Variants in TGFBR3 observed in about 807,000 individuals in gnomAD.
The protein encoded by TGFBR3 is transforming growth factor beta receptor 3.
A neutral mutation model predicts 87.9 loss-of-function variants in TGFBR3; 46 were observed. That is an observed-to-expected ratio of 0.52 (90% CI 0.41 to 0.67). TGFBR3 has a LOEUF of 0.67. Ranked by LOEUF, TGFBR3 falls within the 30% of genes least tolerant of loss-of-function variation. The pLI is 0.00. For synonymous variants in TGFBR3, 381 were observed against 391.6 expected (o/e 0.97, Z 0.32); for missense variants, 866 against 1,041.9 (o/e 0.83, Z 2.32).
intron 1 of TGFBR3, among the ~76,000 whole-genome samples, chr1:91,870,040 C>T (rs926601653): frequency 1.3e-5 from 2 of 152,130 alleles, no homozygotes; most frequent in African/African-American, 4.8e-5. Context: ...TTCAACTTGG[C>T]AACATAAGAA....
intron 3 of TGFBR3, among the ~76,000 whole-genome samples, chr1:91,771,875 T>G (rs1448147172): frequency 6.6e-6 from 1 of 151,820 alleles, no homozygotes; most frequent in Non-Finnish European, 1.5e-5. Flanking sequence ...CACAGTTTGA[T>G]GGGGGCAGAG....
chr1:91,767,315 T>A lies in TGFBR3; in HGVS notation c.247-8565A>T, dbSNP rs75899677. Among the ~76,000 whole-genome samples the A allele has an allele frequency of 2.2e-5, 3 of 133,838 alleles. 1 individual carries two copies. Among genetic ancestry groups the A allele is most frequent in the African/African-American group, 8.4e-5 (3 of 35,534 alleles). The allele number at this position is 133,838 out of a possible 152,430, so 87.8% of individuals were successfully genotyped here. On this transcript the variant is annotated intron_variant, in intron 3 of 16. Coordinates refer to ENST00000212355, the MANE Select transcript of TGFBR3 (RefSeq NM_003243.5). ...TACAATCTTAGAAAGTATATTAACCTGAAGCTGGTAAGGAATTCTTTAGGA... is the reference window on the plus strand; with the variant it reads ...TACAATCTTAGAAAGTATATTAACCAGAAGCTGGTAAGGAATTCTTTAGGA...
chr1:91,754,414 C>T (rs912506924), intron 4 of TGFBR3, among the ~76,000 whole-genome samples: 2 of 152,126 alleles, frequency 1.3e-5, no homozygotes, highest in African/African-American at 4.8e-5. Context: ...CACCCATACA[C>T]CCTGCAAAAG....
intron 4 of TGFBR3, among the ~76,000 whole-genome samples, chr1:91,740,442 G>A (rs1384664497): frequency 1.3e-5 from 2 of 151,282 alleles, no homozygotes; most frequent in African/African-American, 4.9e-5. Flanking sequence ...TTGGCTCATT[G>A]CAACCTCCAC....
chr1:91,758,000 C>T (rs746763600), intron 4 of TGFBR3, among the ~76,000 whole-genome samples: 32 of 152,314 alleles, frequency 2.1e-4, no homozygotes, highest in Non-Finnish European at 4.4e-4. Flanking sequence ...AAATTCCATC[C>T]AAACAACCCA....
chr1:91,890,625 G>A (rs993209797), upstream of TGFBR3, among the ~76,000 whole-genome samples: 5 of 151,670 alleles, frequency 3.3e-5, no homozygotes, highest in African/African-American at 1.2e-4. Flanking sequence ...TCACCATATT[G>A]GCCAGGCTGG....
At chr1:91,904,364 TTC>T (rs1282331831) in intron 1 of TGFBR3, among the ~76,000 whole-genome samples, 1 of 151,586 alleles carries the variant, frequency 6.6e-6, no homozygotes, top group Non-Finnish European at 1.5e-5. Flanking sequence ...TCAGTTGTCT[TTC>T]TAATTTCAAA....
In TGFBR3 at chr1:91,796,931, T is replaced by C. The variant is rs17884791; in HGVS notation, c.246+356A>G. Reference sequence around the variant, plus strand: ...TTTTAGTAGAGATGAGGTCTTGCTATGTTTCCCAGGCTGGTCTTGAACTCC... The same window carrying C: ...TTTTAGTAGAGATGAGGTCTTGCTACGTTTCCCAGGCTGGTCTTGAACTCC... On this transcript the variant is annotated intron_variant, in intron 3 of 16. Transcript: ENST00000212355. Among the ~76,000 whole-genome samples the C allele has an allele frequency of 4.4e-3, 669 of 152,124 alleles. 4 individuals are homozygous for C. Among genetic ancestry groups the C allele is most frequent in the African/African-American group, 0.016 (650 of 41,478 alleles).
intron 16 of TGFBR3, among the ~76,000 whole-genome samples, chr1:91,688,949 G>C (rs980776235): frequency 6.6e-6 from 1 of 152,082 alleles, no homozygotes; most frequent in African/African-American, 2.4e-5. Context: ...GATGCAGCTG[G>C]AACAGACGGA....
intron 10 of TGFBR3, among the ~76,000 whole-genome samples, chr1:91,718,780 T>C (rs1048208383): frequency 2.6e-5 from 4 of 152,190 alleles, no homozygotes; most frequent in South Asian, 2.1e-4. Flanking sequence ...GTTTCTTCAA[T>C]GTATGGTCTT....
chr1:91,771,928 G>A (rs1251069059), intron 3 of TGFBR3, among the ~76,000 whole-genome samples: 3 of 151,992 alleles, frequency 2.0e-5, no homozygotes, highest in South Asian at 2.1e-4. Context: ...CAGGAAGGGG[G>A]CACTTCAGCT....
At chr1:91,868,471 G>T (rs1678461860) in intron 1 of TGFBR3, among the ~76,000 whole-genome samples, 1 of 152,082 alleles carries the variant, frequency 6.6e-6, no homozygotes, top group Non-Finnish European at 1.5e-5. Flanking sequence ...TAGCAAAACT[G>T]TCCAAATGGT....
At chr1:91,797,015 C>A (rs284138) in intron 3 of TGFBR3, among the ~76,000 whole-genome samples, 1,770 of 152,222 alleles carry the variant, frequency 0.012, 36 homozygotes, top group African/African-American at 0.041. Context: ...CAGGTGTGCA[C>A]CATCACCATG....
chr1:91,775,475 C>T (rs186114908), intron 3 of TGFBR3, among the ~76,000 whole-genome samples: 390 of 152,306 alleles, frequency 2.6e-3, no homozygotes, highest in African/African-American at 9.0e-3. Flanking sequence ...GCCTTTTCAC[C>T]ATTCAGGTCT....
intron 3 of TGFBR3, among the ~76,000 whole-genome samples, chr1:91,765,968 T>C (rs1269491008): frequency 1.3e-5 from 2 of 152,204 alleles, no homozygotes; most frequent in African/African-American, 4.8e-5. Flanking sequence ...CTTTTTGTTT[T>C]TAACACTAAT....
At chr1:91,874,956 C>A (rs1678725261) in intron 1 of TGFBR3, among the ~76,000 whole-genome samples, 1 of 152,174 alleles carries the variant, frequency 6.6e-6, no homozygotes, top group South Asian at 2.1e-4. Context: ...CTAAGCCCCA[C>A]TGTAACCCTA....
At chr1:91,691,740 G>C (rs139635955) in intron 16 of TGFBR3, among the ~76,000 whole-genome samples, 4 of 152,182 alleles carry the variant, frequency 2.6e-5, no homozygotes, top group Non-Finnish European at 4.4e-5. Flanking sequence ...GGAGGGAACC[G>C]GTTCAGACAG....
At chr1:91,720,518 G>A (rs1452962224) in intron 8 of TGFBR3, among the ~76,000 whole-genome samples, 2 of 152,084 alleles carry the variant, frequency 1.3e-5, no homozygotes, top group African/African-American at 4.8e-5. Context: ...TCTTAACTTT[G>A]GCTACACATG....
intron 2 of TGFBR3, among the ~76,000 whole-genome samples, chr1:91,821,533 C>G (rs1208993802): frequency 1.3e-5 from 2 of 152,130 alleles, no homozygotes. Flanking sequence ...CTCTACATAT[C>G]TTATTTTAAA....
Sources: gnomAD v4.1 joint callset for allele counts (sites outside exome capture counted in the v4.1 genomes callset) on GRCh38, gnomAD v4.1.1 for gene constraint, MANE v1.5 for transcripts, NCBI Gene and HGNC (gene_info 2026-07-23, HGNC 2026-07-21) for gene names.